IDO2: variants seen among roughly 807,000 people sequenced by gnomAD.
IDO2 encodes indoleamine 2,3-dioxygenase 2.
Under a neutral mutation model 45.1 loss-of-function variants are expected in IDO2, and 46 were observed. That is an observed-to-expected ratio of 1.02 (90% confidence interval 0.80 to 1.30). IDO2 has a LOEUF of 1.30. Among genes scored for constraint, IDO2 ranks in the 50% most tolerant of loss-of-function variants. IDO2 has a pLI of 0.00. For missense variants in IDO2, 544 were observed against 491.8 expected, an observed-to-expected ratio of 1.11 and a Z score of -1.00; for synonymous variants, 218 against 184.9, an observed-to-expected ratio of 1.18 and a Z score of -1.45.
In IDO2 at chr8:40,015,239, T is replaced by C. The variant is rs567190911; in HGVS notation, c.869-8T>C. On this transcript the variant is annotated splice_region_variant and splice_polypyrimidine_tract_variant and intron_variant, in intron 10 of 10. Transcript: ENST00000502986. ...AGCTATGACGTTATGCTGTATTGTT[T>C]CTTTCAGGTGACTTTCTGTACAGAA... The C allele has an allele frequency of 3.6e-5, 54 of 1,510,864 alleles. 2 individuals are homozygous for C. The East Asian group carries it at 1.2e-3, about 34-fold the overall frequency. The allele number at this position is 1,510,864 out of a possible 1,614,324, so 93.6% of individuals were successfully genotyped here.
At chr8:40,002,653 C>T (rs1319045001) in intron 8 of IDO2, among the ~76,000 whole-genome samples, 4 of 151,960 alleles carry the variant, frequency 2.6e-5, no homozygotes, top group African/African-American at 7.3e-5. Context: ...GGACGTTGGG[C>T]ACTTGAATTC....
chr8:40,011,217 T>C (rs1383739337), intron 9 of IDO2, among the ~76,000 whole-genome samples: 1 of 152,186 alleles, frequency 6.6e-6, no homozygotes, highest in Non-Finnish European at 1.5e-5. Context: ...AGCTGGGATA[T>C]AGTTGTTTTC....
At chr8:39,950,421 A>G (rs952004574) in intron 2 of IDO2, among the ~76,000 whole-genome samples, 2 of 152,126 alleles carry the variant, frequency 1.3e-5, no homozygotes, top group Admixed American at 6.6e-5. Flanking sequence ...AGTTCCAGCT[A>G]TTGGGGAGGC....
chr8:39,977,702 A>G (rs1332951925), intron 3 of IDO2, among the ~76,000 whole-genome samples: 1 of 152,250 alleles, frequency 6.6e-6, no homozygotes, highest in Admixed American at 6.5e-5. Context: ...AAAACGAAAC[A>G]AAACAAGTAA....
chr8:39,995,995 G>C (rs1313655018), intron 8 of IDO2, among the ~76,000 whole-genome samples: 1 of 150,316 alleles, frequency 6.7e-6, no homozygotes, highest in African/African-American at 2.5e-5. Context: ...AATCTTCCCT[G>C]ATTTCCTATA....
At chr8:39,976,362 A>C (rs867453762) in intron 3 of IDO2, among the ~76,000 whole-genome samples, 2 of 152,194 alleles carry the variant, frequency 1.3e-5, no homozygotes, top group African/African-American at 4.8e-5. Flanking sequence ...AAATTCAACA[A>C]ATAGATACTC....
intron 2 of IDO2, among the ~76,000 whole-genome samples, chr8:39,961,920 G>T (rs1436426094): frequency 6.6e-6 from 1 of 152,162 alleles, no homozygotes; most frequent in Non-Finnish European, 1.5e-5. Context: ...CCTCAGGTTA[G>T]GGGGATAAAT....
At chr8:39,972,073 G>A (rs968777102) in intron 3 of IDO2, among the ~76,000 whole-genome samples, 2 of 152,172 alleles carry the variant, frequency 1.3e-5, no homozygotes, top group Non-Finnish European at 2.9e-5. Flanking sequence ...GCCTCCCAAA[G>A]TGCTGGGATT....
At chr8:39,979,678 T>A (rs1462463301) in intron 4 of IDO2, among the ~76,000 whole-genome samples, 4 of 152,194 alleles carry the variant, frequency 2.6e-5, no homozygotes, top group Non-Finnish European at 5.9e-5. Context: ...ATGAAGGATT[T>A]TTTTATTTTA....
At chr8:40,004,533 A>AGATG (rs1563441299) in intron 8 of IDO2, among the ~76,000 whole-genome samples, 1 of 134,168 alleles carries the variant, frequency 7.5e-6, no homozygotes, top group African/African-American at 2.7e-5. Flanking sequence ...GATGATAGAT[A>AGATG]GATAGATAGA....
intron 4 of IDO2, 29 bp from the exon 5 acceptor site, chr8:39,982,623 T>A: frequency 7.1e-7 from 1 of 1,400,486 alleles, no homozygotes; most frequent in Non-Finnish European, 1.0e-6. Context: ...TTCTAGAATA[T>A]GCTATTTGTC....
intron 2 of IDO2, among the ~76,000 whole-genome samples, chr8:39,954,902 G>T (rs537436868): frequency 1.3e-5 from 2 of 151,286 alleles, no homozygotes; most frequent in Non-Finnish European, 2.9e-5. Flanking sequence ...AGTGATCCGC[G>T]CACCTCGGCC....
intron 3 of IDO2, among the ~76,000 whole-genome samples, chr8:39,967,616 T>C (rs924761130): frequency 4.6e-5 from 7 of 152,044 alleles, no homozygotes; most frequent in Non-Finnish European, 1.0e-4. Context: ...GCTTCCCGAG[T>C]AGCTGGGATT....
intron 10 of IDO2, among the ~76,000 whole-genome samples, chr8:40,014,448 T>C (rs929856269): frequency 1.3e-5 from 2 of 152,222 alleles, no homozygotes; most frequent in African/African-American, 4.8e-5. Context: ...TTCAAGAGGC[T>C]ATTACTAAAA....
intron 2 of IDO2, among the ~76,000 whole-genome samples, chr8:39,962,932 C>T (rs767400433): frequency 1.5e-4 from 23 of 152,176 alleles, no homozygotes; most frequent in Non-Finnish European, 2.6e-4. Flanking sequence ...AAGAATCAAT[C>T]GGGAAAGGGT....
At chr8:39,976,998 T>C (rs1019106468) in intron 3 of IDO2, among the ~76,000 whole-genome samples, 7 of 152,174 alleles carry the variant, frequency 4.6e-5, no homozygotes, top group East Asian at 1.9e-4. Context: ...GAGAAAAGTA[T>C]TAATAATTTT....
At chr8:39,973,013 G>A (rs1808203292) in intron 3 of IDO2, among the ~76,000 whole-genome samples, 1 of 152,054 alleles carries the variant, frequency 6.6e-6, no homozygotes, top group African/African-American at 2.4e-5. Context: ...TGCTTTATTG[G>A]GATAGTCACT....
intron 10 of IDO2, among the ~76,000 whole-genome samples, chr8:40,014,429 T>C (rs1318617053): frequency 1.3e-5 from 2 of 152,238 alleles, no homozygotes; most frequent in South Asian, 4.1e-4. Context: ...GATTTTTAAA[T>C]CACTTGGCTT....
chr8:39,988,307 T>C (rs1808453650), intron 7 of IDO2, among the ~76,000 whole-genome samples: 1 of 152,090 alleles, frequency 6.6e-6, no homozygotes, highest in Non-Finnish European at 1.5e-5. Flanking sequence ...GGATTACAGG[T>C]GTGAGCCACT....
Sources: allele counts gnomAD v4.1 joint callset (sites outside exome capture counted in the v4.1 genomes callset), GRCh38; gene constraint gnomAD v4.1.1; transcripts MANE v1.5; gene names NCBI Gene and HGNC (gene_info 2026-07-23, HGNC 2026-07-21).